The following SLIT1 variants were observed in gnomAD, a reference collection of about 807,000 sequenced individuals.
SLIT1 encodes the protein slit homolog 1 protein.
In SLIT1, 66 loss-of-function variants were observed where a neutral mutation model predicts 186.1. The ratio of observed to expected loss-of-function variants is 0.35; its 90% CI spans 0.29 to 0.44. SLIT1 has a LOEUF of 0.44. SLIT1 is among the 20% of genes least tolerant of loss of function. The pLI is 1.00. For synonymous variants in SLIT1, 761 were observed against 833.8 expected (o/e 0.91, Z 1.50); for missense variants, 1,638 against 2,037.4 (o/e 0.80, Z 3.77).
intron 4 of SLIT1, among the ~76,000 whole-genome samples, chr10:97,156,125 G>A (rs902437588): frequency 6.6e-6 from 1 of 152,224 alleles, no homozygotes; most frequent in East Asian, 1.9e-4. Context: ...AAAACTGGAG[G>A]AGAAGGCCCA....
chr10:97,166,646 AAAG>A lies in SLIT1; in HGVS notation c.198-1759_198-1757del, dbSNP rs1263833480. 5.3e-5 allele frequency among the ~76,000 whole-genome samples: 8 copies of A among 150,826 alleles called. No homozygotes were observed. In the East Asian group the frequency reaches 1.4e-3, roughly 26 times the overall value. ...AAGAGAAAAGAAAAGAAAAGAAAGGAAAGGAAAAGAAAAGAAAAGAGAAAAGAA... is the reference window on the plus strand; with the variant it reads ...AAGAGAAAAGAAAAGAAAAGAAAGGAGAAAAGAAAAGAAAAGAGAAAAGAA... On this transcript the variant is annotated intron_variant, in intron 1 of 36. Coordinates refer to ENST00000266058, the MANE Select transcript of SLIT1 (RefSeq NM_003061.3).
intron 24 of SLIT1, among the ~76,000 whole-genome samples, chr10:97,031,270 C>T (rs74153750): frequency 0.065 from 9,868 of 152,236 alleles, 404 homozygotes; most frequent in South Asian, 0.18. Context: ...TGAGAACTCA[C>T]AGAAGAGGTT....
chr10:97,032,442 G>A (rs957042699), intron 23 of SLIT1, among the ~76,000 whole-genome samples: 14 of 151,842 alleles, frequency 9.2e-5, no homozygotes, highest in African/African-American at 2.2e-4. Context: ...GGTGGTAGAC[G>A]CCTATAATCC....
chr10:97,019,276 G>A (rs1409904138), intron 26 of SLIT1, among the ~76,000 whole-genome samples, 169 bp from the exon 27 acceptor site: 1 of 152,204 alleles, frequency 6.6e-6, no homozygotes, highest in Non-Finnish European at 1.5e-5. Flanking sequence ...CCAGCCTCCA[G>A]ACCCTTTTCT....
rs564591935 is a variant in SLIT1 at position 97,039,942 on chromosome 10, C to T, written c.2297+46G>A. On this transcript the variant is annotated intron_variant, in intron 21 of 36. Transcript: ENST00000266058. ...CCTCAGGAAATGCCCCCACTGTCCCCGTCCTGTGGACCCACGTGAAGGGGG... is the reference window on the plus strand; with the variant it reads ...CCTCAGGAAATGCCCCCACTGTCCCTGTCCTGTGGACCCACGTGAAGGGGG... The T allele has an allele frequency of 1.1e-5, 17 of 1,605,410 alleles. No individual in the cohort carries two copies. In the South Asian group the frequency reaches 1.4e-4, roughly 14 times the overall value.
chr10:97,144,167 C>T (rs1394129079), intron 4 of SLIT1, among the ~76,000 whole-genome samples: 1 of 150,454 alleles, frequency 6.6e-6, no homozygotes, highest in Non-Finnish European at 1.5e-5. Context: ...CATTGCACTC[C>T]AGTCTAGGCG....
intron 1 of SLIT1, among the ~76,000 whole-genome samples, chr10:97,170,703 C>A (rs182130874): frequency 2.6e-5 from 4 of 152,346 alleles, no homozygotes; most frequent in Admixed American, 2.0e-4. Context: ...GTGGTCCTAG[C>A]CTGAAAGGAA....
intron 4 of SLIT1, among the ~76,000 whole-genome samples, chr10:97,129,334 A>C (rs994285247): frequency 6.6e-5 from 10 of 151,478 alleles, no homozygotes; most frequent in South Asian, 6.3e-4. Flanking sequence ...CCTCTGGGGC[A>C]GAGGTTGCAG....
chr10:97,146,317 G>A (rs1311678568), intron 4 of SLIT1, among the ~76,000 whole-genome samples: 1 of 152,210 alleles, frequency 6.6e-6, no homozygotes, highest in African/African-American at 2.4e-5. Context: ...TAACTAGGAG[G>A]TGGTGAGTCC....
chr10:97,113,557 GT>G (rs61679099), intron 4 of SLIT1, among the ~76,000 whole-genome samples: 7,793 of 129,402 alleles, frequency 0.06, 346 homozygotes, highest in African/African-American at 0.14. Context: ...TTTCTTTTAG[GT>G]TTTTTTTTTT....
intron 1 of SLIT1, among the ~76,000 whole-genome samples, chr10:97,179,158 CTCA>C (rs1850297047): frequency 6.6e-6 from 1 of 152,240 alleles, no homozygotes; most frequent in African/African-American, 2.4e-5. Flanking sequence ...TCTAGCGACT[CTCA>C]TCAGCCTCAT....
intron 4 of SLIT1, among the ~76,000 whole-genome samples, chr10:97,083,424 T>C (rs1018366017): frequency 3.3e-5 from 5 of 152,186 alleles, no homozygotes; most frequent in Admixed American, 3.3e-4. Context: ...AGTGTATGTA[T>C]GTCGGCAGTG....
intron 4 of SLIT1, chr10:97,154,880 G>A (rs1849928665): frequency 6.6e-6 from 1 of 152,176 alleles, no homozygotes; most frequent in African/African-American, 2.4e-5. Context: ...TTTCCTCTAG[G>A]ACTCCTGTAA....
At chr10:97,147,670 G>C (rs55845720) in intron 4 of SLIT1, among the ~76,000 whole-genome samples, 7,534 of 152,040 alleles carry the variant, frequency 0.05, 195 homozygotes, top group South Asian at 0.096. Flanking sequence ...GGCGACTGAG[G>C]CTCACTCTCC....
intron 4 of SLIT1, among the ~76,000 whole-genome samples, chr10:97,084,929 T>C (rs1849142617): frequency 6.7e-6 from 1 of 149,160 alleles, no homozygotes; most frequent in Admixed American, 6.7e-5. Context: ...CTTTCCTTTT[T>C]TTTTTTTTTT....
intron 28 of SLIT1, among the ~76,000 whole-genome samples, chr10:97,014,895 G>A (rs181771158): frequency 6.6e-6 from 1 of 151,856 alleles, no homozygotes; most frequent in Admixed American, 6.6e-5. Flanking sequence ...AGAGTGGAAG[G>A]GAACCCCACA....
intron 4 of SLIT1, among the ~76,000 whole-genome samples, chr10:97,105,931 C>A (rs892912979): frequency 3.3e-5 from 5 of 152,252 alleles, no homozygotes; most frequent in Non-Finnish European, 7.3e-5. Flanking sequence ...GAAAGGCATG[C>A]AGGAGGTCAG....
At chr10:97,071,719 G>A (rs1849002660) in intron 4 of SLIT1, among the ~76,000 whole-genome samples, 1 of 152,158 alleles carries the variant, frequency 6.6e-6, no homozygotes, top group African/African-American at 2.4e-5. Context: ...GAGCCAGTCA[G>A]CTCACAGCGC....
At chr10:97,019,155 A>G in intron 26 of SLIT1, 48 bp from the exon 27 acceptor site, 1 of 1,222,250 alleles carries the variant, frequency 8.2e-7, no homozygotes, top group Non-Finnish European at 1.2e-6. Flanking sequence ...TGGGCAGCAC[A>G]GGGCTGGGCA....
Sources: allele counts gnomAD v4.1 joint callset (sites outside exome capture counted in the v4.1 genomes callset), GRCh38; gene constraint gnomAD v4.1.1; transcripts MANE v1.5; gene names NCBI Gene and HGNC (gene_info 2026-07-23, HGNC 2026-07-21).